SIRT4: variants seen among roughly 807,000 people sequenced by gnomAD.
SIRT4 encodes sirtuin 4.
In SIRT4, 23 loss-of-function variants were observed where a neutral mutation model predicts 26.1. The observed-to-expected ratio is 0.88, with a 90% CI of 0.63 to 1.25. The LOEUF is 1.25. SIRT4 is among the 50% of genes most tolerant of loss of function. The pLI is 0.00. For synonymous variants in SIRT4, 155 were observed against 158.4 expected, an observed-to-expected ratio of 0.98 and a Z score of 0.16; for missense variants, 361 against 405.4, an observed-to-expected ratio of 0.89 and a Z score of 0.94.
rs202077006 is a variant in SIRT4 at position 120,312,958 on chromosome 12, C to G, written c.867C>G (p.Pro289=). ...CGATTGCAATACTGAACATTGGGCC[C>G]ACACGGTCGGATGACTTGGCGTGTC... is the stretch of plus-strand genomic sequence containing the variant. ...KLPIAILNIG[P]TRSDDLACLK... is the part of the protein sequence containing the mutation. The change falls in exon 4 of 4, where the codon CCC becomes CCG. Residue 289 remains proline (P), a synonymous_variant. Transcript: ENST00000202967. 2.5e-6 allele frequency: 4 copies of G among 1,614,022 alleles called. No individual in the cohort carries two copies. Among genetic ancestry groups the G allele is most frequent in the Non-Finnish European group, 3.4e-6 (4 of 1,180,044 alleles).
chr12:120,293,031 T>G, the SIRT4 span: 8 of 150,438 alleles, frequency 5.3e-5, no homozygotes, highest in Non-Finnish European at 7.4e-5. Context: ...CTCTTCAACC[T>G]CCCAAAACCA....
rs117525010 is a variant in SIRT4 at position 120,308,464 on chromosome 12, C to T, written c.498-3992C>T. On this transcript the variant is annotated intron_variant, in intron 2 of 3. Coordinates refer to ENST00000202967, the MANE Select transcript of SIRT4 (RefSeq NM_012240.3). ...CTGGGATTACAGGCGTGAGCCACAG[C>T]GCCTGCCCCAAGAAAGCTTTTATGG... is the stretch of plus-strand genomic sequence containing the variant. Among the ~76,000 whole-genome samples, 1,467 of 151,528 alleles carry T rather than the reference C, an allele frequency of 9.7e-3. 14 individuals are homozygous for T. Among genetic ancestry groups the T allele is most frequent in the South Asian group, 0.05 (239 of 4,814 alleles).
intron 2 of SIRT4, among the ~76,000 whole-genome samples, chr12:120,306,530 G>A (rs980872090): frequency 1.3e-5 from 2 of 151,394 alleles, no homozygotes; most frequent in Non-Finnish European, 2.9e-5. Context: ...GGACGGGTGC[G>A]GTGGCTCATG....
the SIRT4 span, among the ~76,000 whole-genome samples, chr12:120,296,361 G>A: frequency 2.0e-5 from 3 of 151,684 alleles, no homozygotes; most frequent in Non-Finnish European, 4.4e-5. Context: ...GGGACTACAG[G>A]CGCCCGCCAC....
chr12:120,295,943 G>C, the SIRT4 span, among the ~76,000 whole-genome samples: 1 of 150,986 alleles, frequency 6.6e-6, no homozygotes, highest in African/African-American at 2.4e-5. Context: ...AAAAATTAAC[G>C]GGGCGTGGTG....
At chr12:120,303,325 C>T (rs1374421818) in intron 1 of SIRT4, among the ~76,000 whole-genome samples, 3 of 151,394 alleles carry the variant, frequency 2.0e-5, no homozygotes, top group Non-Finnish European at 4.4e-5. Flanking sequence ...ACTAAAAATA[C>T]AATAATTAGC....
chr12:120,293,000 T>TAA, the SIRT4 span: 1 of 152,120 alleles, frequency 6.6e-6, no homozygotes, highest in Non-Finnish European at 1.5e-5. Context: ...ATCTCTCATT[T>TAA]AGAGAGTTTG....
At chr12:120,312,845 G>A (rs1197192750) in intron 3 of SIRT4, 39 bp from the exon 4 acceptor site, 1 of 1,611,868 alleles carries the variant, frequency 6.2e-7, no homozygotes, top group Non-Finnish European at 8.5e-7. Flanking sequence ...TAGATCTAGA[G>A]AACCTAGACA....
At chr12:120,307,359 G>A (rs1244109195) in intron 2 of SIRT4, among the ~76,000 whole-genome samples, 2 of 151,578 alleles carry the variant, frequency 1.3e-5, no homozygotes, top group South Asian at 2.1e-4. Flanking sequence ...CGTGGTGGCG[G>A]GCGCCTATAG....
intron 2 of SIRT4, among the ~76,000 whole-genome samples, chr12:120,309,398 GCCTTTTTTTCTT>G (rs1425258139): frequency 2.0e-5 from 3 of 150,436 alleles, no homozygotes; most frequent in Non-Finnish European, 3.0e-5. Flanking sequence ...TTTCACAGGG[GCCTTTTTTTCTT>G]TTCTTTTTTT....
chr12:120,298,691 G>A (rs1019588396), upstream of SIRT4, among the ~76,000 whole-genome samples: 4 of 151,110 alleles, frequency 2.6e-5, no homozygotes, highest in African/African-American at 9.8e-5. Flanking sequence ...GGCGGATCGC[G>A]AGGTCAGGAG....
the SIRT4 span, among the ~76,000 whole-genome samples, chr12:120,293,869 GA>G: frequency 6.6e-6 from 1 of 151,630 alleles, no homozygotes; most frequent in Non-Finnish European, 1.5e-5. Context: ...TATATAAATG[GA>G]ATCATACAAT....
chr12:120,303,945 G>C lies in SIRT4; in HGVS notation c.384G>C (p.Leu128Phe), dbSNP rs778750745. ...SHQPNPAHWALSTWEKLGKLY... is the reference protein window; with the variant it reads ...SHQPNPAHWAFSTWEKLGKLY... ...AGCCTAACCCTGCACACTGGGCTTT[G>C]AGCACCTGGGAGAAACTCGGAAAGC... Residue 128 changes from leucine to phenylalanine, a missense_variant, in exon 2 of 4, where the codon TTG becomes TTC. By Grantham distance (22) the Leu-to-Phe change is conservative. Transcript: ENST00000202967. 12 of 1,614,052 alleles carry C rather than the reference G, an allele frequency of 7.4e-6. No individual in the cohort carries two copies. The African/African-American group carries it at 1.5e-4, about 20-fold the overall frequency.
chr12:120,305,135 C>T (rs1469503651), intron 2 of SIRT4, among the ~76,000 whole-genome samples: 1 of 151,414 alleles, frequency 6.6e-6, no homozygotes, highest in Non-Finnish European at 1.5e-5. Flanking sequence ...CCACCACACC[C>T]CAGCCTGGGC....
chr12:120,298,042 AG>A (rs1000544694), upstream of SIRT4, among the ~76,000 whole-genome samples: 13 of 151,460 alleles, frequency 8.6e-5, no homozygotes, highest in Non-Finnish European at 1.8e-4. Flanking sequence ...TGAAAAAAAA[AG>A]GGGGTGGCCG....
the SIRT4 span, chr12:120,291,928 T>A: frequency 2.0e-5 from 3 of 151,994 alleles, no homozygotes; most frequent in Non-Finnish European, 4.4e-5. Context: ...CGCGCCCCGC[T>A]CCCCCACGGA....
At chr12:120,310,884 C>T (rs568032315) in intron 2 of SIRT4, among the ~76,000 whole-genome samples, 11 of 151,234 alleles carry the variant, frequency 7.3e-5, no homozygotes, top group African/African-American at 1.9e-4. Context: ...TACAGGCGCC[C>T]GCCACCACGG....
At chr12:120,297,038 G>A in the SIRT4 span, among the ~76,000 whole-genome samples, 1 of 151,012 alleles carries the variant, frequency 6.6e-6, no homozygotes, top group African/African-American at 2.4e-5. Context: ...GCCTGGCCAA[G>A]ATGGTGAAAC....
At chr12:120,294,309 A>AT in the SIRT4 span, among the ~76,000 whole-genome samples, 1,761 of 119,184 alleles carry the variant, frequency 0.015, 26 homozygotes, top group African/African-American at 0.046. Flanking sequence ...ATTCTTGTCT[A>AT]TTTTTTTTTT....
Sources: allele counts gnomAD v4.1 joint callset (sites outside exome capture counted in the v4.1 genomes callset), GRCh38; gene constraint gnomAD v4.1.1; transcripts MANE v1.5; gene names NCBI Gene and HGNC (gene_info 2026-07-23, HGNC 2026-07-21).